Variants in RADX observed in about 807,000 individuals in gnomAD.
RADX encodes the protein RPA1 related single stranded DNA binding protein, X-linked.
Under a neutral mutation model 61.6 loss-of-function variants are expected in RADX, and 36 were observed. That is an observed-to-expected ratio of 0.58 (90% CI 0.45 to 0.77). RADX has a LOEUF of 0.77. Among genes scored for constraint, RADX ranks in the 30% least tolerant of loss-of-function variants. RADX has a pLI of 0.00. For missense variants in RADX, 497 were observed against 651.1 expected (o/e 0.76, Z 2.58); for synonymous variants, 272 against 237.9 (o/e 1.14, Z -1.32).
intron 1 of RADX, among the ~76,000 whole-genome samples, chrX:106,621,932 T>TG (rs1312768801): frequency 9.4e-6 from 1 of 106,236 alleles, no homozygotes; most frequent in East Asian, 2.9e-4. Context: ...ATGGTTTTTT[T>TG]TTTTTTTTTT....
chrX:106,666,522 G>GAA (rs1319692756), intron 12 of RADX, among the ~76,000 whole-genome samples: 2 of 111,966 alleles, frequency 1.8e-5, no homozygotes, highest in Non-Finnish European at 3.8e-5. Context: ...CCCAGAAGTA[G>GAA]AAATAATTGA....
chrX:106,616,948 A>G (rs1926816915), intron 1 of RADX, among the ~76,000 whole-genome samples: 2 of 108,233 alleles, frequency 1.8e-5, no homozygotes, highest in Admixed American at 9.9e-5. Context: ...AGAGATGGTA[A>G]TATCTTTAAA....
rs747214519 is a variant in RADX, at chrX:106,659,803, A to G, written c.1979-2212A>G. Among the ~76,000 whole-genome samples, 5 of 111,765 alleles carry G rather than the reference A, an allele frequency of 4.5e-5. No homozygotes were observed. In the East Asian group the frequency reaches 1.1e-3, roughly 25 times the overall value. The stretch of plus-strand genomic sequence containing the variant: ...AGTCCCCAGTTACTAAAATAAAAAA[A>G]TAAAGCATGTTTCTTTAGAGGAATT... On this transcript the variant is annotated intron_variant, in intron 11 of 13. Coordinates refer to ENST00000372548, the MANE Select transcript of RADX (RefSeq NM_018015.6).
chrX:106,632,642 C>T lies in RADX; in HGVS notation c.997C>T (p.Arg333Ter), dbSNP rs771312533. 5 of 1,193,350 alleles carry T rather than the reference C, an allele frequency of 4.2e-6. No individual in the cohort carries two copies. Among genetic ancestry groups the T allele is most frequent in the East Asian group, 3.0e-5 (1 of 33,646 alleles). Residue 333 changes from arginine (R) to a stop codon, truncating the protein, a stop_gained, in exon 4 of 14, where the codon CGA becomes TGA. Transcript: ENST00000372548. LOFTEE classifies it high-confidence loss of function. ...ISTMEICLNL[R>*]DPPTNIIIIP... ...TTTTTCAGAAATCTGCCTGAATCTT[C>T]GAGATCCCCCAACAAATATAATTAT...
At chrX:106,618,684 C>T (rs1455748953) in intron 1 of RADX, among the ~76,000 whole-genome samples, 7 of 110,761 alleles carry the variant, frequency 6.3e-5, no homozygotes, top group Admixed American at 4.8e-4. Flanking sequence ...CCTGTAATCC[C>T]GGCTACTTGG....
chrX:106,639,816 T>C (rs1927461287), intron 9 of RADX, 129 bp downstream of exon 9: 1 of 521,108 alleles, frequency 1.9e-6, no homozygotes, highest in Non-Finnish European at 2.8e-6. Context: ...AGAGAAAACA[T>C]TAGGTTGGTG....
intron 1 of RADX, among the ~76,000 whole-genome samples, chrX:106,614,893 C>G (rs1213690453): frequency 1.8e-5 from 2 of 111,375 alleles, no homozygotes; most frequent in Non-Finnish European, 3.8e-5. Context: ...GATAAATTTT[C>G]ACGTACATAT....
At chrX:106,669,375 T>C in intron 13 of RADX, 45 bp downstream of exon 13, 1 of 897,384 alleles carries the variant, frequency 1.1e-6, no homozygotes, top group Non-Finnish European at 1.6e-6. Context: ...AAAAAAAAAT[T>C]ATAAACAGCC....
chrX:106,629,468 G>A (rs956407204), intron 3 of RADX, among the ~76,000 whole-genome samples: 2 of 111,554 alleles, frequency 1.8e-5, no homozygotes, highest in African/African-American at 6.5e-5. Flanking sequence ...TACACAGAAA[G>A]TTCTTAGAAA....
In RADX at chrX:106,679,037, G is replaced by A. The variant is rs1432492785; in HGVS notation, c.*779G>A. 8.9e-6 allele frequency: 1 copy of A among 112,225 alleles called. No individual in the cohort carries two copies. The highest frequency in any genetic ancestry group is 3.2e-5 in the African/African-American group (1 of 30,792). The allele number at this position is 112,225 out of a possible 1,213,427, so 9.2% of individuals were successfully genotyped here. A position where few individuals can be genotyped will look rare whatever the true frequency, so the allele number is the denominator to read the frequency against. On this transcript the variant is annotated 3_prime_UTR_variant, in exon 14 of 14. Coordinates refer to ENST00000372548, the MANE Select transcript of RADX (RefSeq NM_018015.6). ...ATGCTCATATTGAAAATGGAAAATA[G>A]TAAACACGGGAATTGATTTTATTCT... is the stretch of plus-strand genomic sequence containing the variant.
chrX:106,657,096 C>T (rs999000221), intron 11 of RADX, among the ~76,000 whole-genome samples: 2 of 112,506 alleles, frequency 1.8e-5, no homozygotes, highest in Non-Finnish European at 3.8e-5. Context: ...CCACCTTCAT[C>T]AGTTATCTTA....
intron 12 of RADX, among the ~76,000 whole-genome samples, chrX:106,666,320 T>C (rs1314463311): frequency 8.9e-6 from 1 of 112,286 alleles, no homozygotes; most frequent in Non-Finnish European, 1.9e-5. Flanking sequence ...TCAATTTTCA[T>C]TTGACTTAGA....
At chrX:106,655,966 CTT>C (rs1362121265) in intron 11 of RADX, among the ~76,000 whole-genome samples, 1 of 112,252 alleles carries the variant, frequency 8.9e-6, no homozygotes, top group Admixed American at 9.4e-5. Flanking sequence ...CATCAGTTGA[CTT>C]TTCCTTTCAG....
At chrX:106,670,604 C>T (rs1420997193) in intron 13 of RADX, among the ~76,000 whole-genome samples, 2 of 108,846 alleles carry the variant, frequency 1.8e-5, no homozygotes, top group Admixed American at 2.0e-4. Context: ...AGAGGAATAC[C>T]ATGTTTTTCA....
chrX:106,625,240 CCTGTCCCCGT>C lies in RADX; in HGVS notation c.938_947del (p.Pro313ArgfsTer7). On this transcript the variant is annotated frameshift_variant, in exon 3 of 14. Transcript: ENST00000372548. LOFTEE classifies it high-confidence loss of function. ...AAAGAGTTATCCATTCAGAATACAG[CCTGTCCCCGT>C]GGATCCACAGATCAAACTAATTTCT... 1 of 1,194,332 alleles carries C rather than the reference CCTGTCCCCGT, an allele frequency of 8.4e-7. No homozygotes were observed. The highest frequency in any genetic ancestry group is 2.3e-4 in the Middle Eastern group (1 of 4,293).
intron 10 of RADX, among the ~76,000 whole-genome samples, chrX:106,644,540 G>C (rs1393480495): frequency 9.0e-6 from 1 of 111,055 alleles, no homozygotes; most frequent in East Asian, 2.8e-4. Flanking sequence ...GTATGGTTTT[G>C]ATCCTTTTTT....
chrX:106,639,639 C>T lies in RADX; in HGVS notation c.1686C>T (p.Ile562=). ...IQGIITAIKY[I]PHSSATESAS... ...GGATAATTACTGCTATAAAGTATAT[C>T]CCCCATAGCAGTGCGACTGAAAGTG... Residue 562 remains isoleucine, a synonymous_variant, in exon 9 of 14, where the codon ATC becomes ATT. Coordinates refer to ENST00000372548, the MANE Select transcript of RADX (RefSeq NM_018015.6). 8.4e-7 allele frequency: 1 copy of T among 1,193,440 alleles called. No individual in the cohort carries two copies. Among genetic ancestry groups the T allele is most frequent in the Non-Finnish European group, 1.1e-6 (1 of 886,126 alleles).
chrX:106,652,998 A>G (rs1309415260), intron 11 of RADX, among the ~76,000 whole-genome samples: 1 of 107,946 alleles, frequency 9.3e-6, no homozygotes, highest in Non-Finnish European at 1.9e-5. Flanking sequence ...AAAAAAAAAA[A>G]AAACCTGTAA....
chrX:106,656,446 A>G (rs1337826937), intron 11 of RADX, among the ~76,000 whole-genome samples: 1 of 112,329 alleles, frequency 8.9e-6, no homozygotes, highest in Non-Finnish European at 1.9e-5. Context: ...GGCATCTAGA[A>G]TGGTGAATCC....
Sources: gnomAD v4.1 joint callset for allele counts (sites outside exome capture counted in the v4.1 genomes callset) on GRCh38, gnomAD v4.1.1 for gene constraint, MANE v1.5 for transcripts, NCBI Gene and HGNC (gene_info 2026-07-23, HGNC 2026-07-21) for gene names.